Variants in TLK1 observed in about 807,000 individuals in gnomAD.
TLK1 encodes the protein serine/threonine-protein kinase tousled-like 1.
Under a neutral mutation model 105.3 loss-of-function variants are expected in TLK1, and 24 were observed. That is an observed-to-expected ratio of 0.23 (90% CI 0.17 to 0.32). The LOEUF is 0.32. TLK1 is among the 10% of genes least tolerant of loss of function. The pLI is 1.00. For missense variants in TLK1, 558 were observed against 910.5 expected (o/e 0.61, Z 4.98); for synonymous variants, 321 against 310.4 (o/e 1.03, Z -0.36).
chr2:171,010,643 A>G (rs13006705), intron 14 of TLK1, among the ~76,000 whole-genome samples: 1 of 148,324 alleles, frequency 6.7e-6, no homozygotes, highest in African/African-American at 2.5e-5. Flanking sequence ...AAAAAAAAGA[A>G]AGGCATAAAA....
At chr2:171,006,071 A>G in intron 18 of TLK1, 76 bp downstream of exon 18, 1 of 1,400,782 alleles carries the variant, frequency 7.1e-7, no homozygotes, top group Non-Finnish European at 9.4e-7. Context: ...ATGGAAATAA[A>G]AAAAAAAACA....
chr2:171,003,360 T>A (rs1684491806), intron 18 of TLK1, among the ~76,000 whole-genome samples: 1 of 151,126 alleles, frequency 6.6e-6, no homozygotes, highest in South Asian at 2.1e-4. Flanking sequence ...TACAAATTTC[T>A]TTTTTTTAGC....
intron 4 of TLK1, chr2:171,060,003 G>C (rs752973843): frequency 3.7e-6 from 6 of 1,612,348 alleles, no homozygotes. Context: ...AAGATGAGAG[G>C]AGAGGTCTGC....
chr2:171,148,282 A>G (rs1691874732), intron 1 of TLK1, among the ~76,000 whole-genome samples: 1 of 152,170 alleles, frequency 6.6e-6, no homozygotes, highest in Non-Finnish European at 1.5e-5. Context: ...AAGGAGAAAG[A>G]GTGCTTTATG....
rs755326125 is a variant in TLK1 at position 170,996,770 on chromosome 2, AAAATT to A, written c.2017-15_2017-11del. ...GATTGTGACCAAATGGCTTAAAAAA[AAAATT>A]AAATGTTGAGATACTTTTCTCACAA... On this transcript the variant is annotated splice_polypyrimidine_tract_variant and intron_variant, in intron 19 of 20. Transcript: ENST00000431350. 1.3e-6 allele frequency: 2 copies of A among 1,586,578 alleles called. No individual in the cohort carries two copies. Among genetic ancestry groups the A allele is most frequent in the African/African-American group, 1.4e-5 (1 of 73,538 alleles).
intron 1 of TLK1, among the ~76,000 whole-genome samples, chr2:171,213,536 A>T (rs1383341670): frequency 6.6e-6 from 1 of 151,396 alleles, no homozygotes; most frequent in Non-Finnish European, 1.5e-5. Flanking sequence ...AATTTATTTT[A>T]GTTTGGGCCC....
At chr2:171,163,000 C>T (rs1692543174), upstream of TLK1, among the ~76,000 whole-genome samples, 1 of 152,202 alleles carries the variant, frequency 6.6e-6, no homozygotes, top group Non-Finnish European at 1.5e-5. Context: ...CCATGTTGGC[C>T]AGGCTGGTCT....
intron 2 of TLK1, among the ~76,000 whole-genome samples, chr2:171,104,846 A>T (rs1025207350): frequency 2.6e-5 from 4 of 152,160 alleles, no homozygotes; most frequent in Non-Finnish European, 5.9e-5. Flanking sequence ...TTTGTGTAAC[A>T]GACACAGATC....
intron 3 of TLK1, among the ~76,000 whole-genome samples, chr2:171,082,356 A>G (rs999420981): frequency 1.2e-4 from 18 of 152,184 alleles, no homozygotes; most frequent in East Asian, 3.8e-4. Context: ...GCATGATTCC[A>G]TAAGAAATTC....
chr2:171,071,138 G>C (rs1688235175), intron 3 of TLK1, among the ~76,000 whole-genome samples: 1 of 152,140 alleles, frequency 6.6e-6, no homozygotes, highest in Admixed American at 6.5e-5. Context: ...TTTTCCTACA[G>C]AGTTGTTTGA....
At chr2:171,029,417 C>T (rs146319568) in intron 11 of TLK1, among the ~76,000 whole-genome samples, 1 of 152,228 alleles carries the variant, frequency 6.6e-6, no homozygotes, top group Admixed American at 6.5e-5. Flanking sequence ...ATCACTGGAG[C>T]CCAGGAATTC....
intron 2 of TLK1, among the ~76,000 whole-genome samples, chr2:171,083,080 G>A (rs1035520494): frequency 1.3e-5 from 2 of 152,056 alleles, no homozygotes; most frequent in Non-Finnish European, 2.9e-5. Flanking sequence ...CTGTGTTTTA[G>A]GAACTGACTT....
At chr2:171,221,002 T>A (rs10200603) in intron 1 of TLK1, among the ~76,000 whole-genome samples, 151,632 of 152,270 alleles carry the variant, frequency 1, 75,506 homozygotes, top group Middle Eastern at 1. Flanking sequence ...GTTGGGCAAG[T>A]TGGTGAGTCC....
intron 12 of TLK1, among the ~76,000 whole-genome samples, chr2:171,027,710 A>AT (rs1375924461): frequency 2.0e-5 from 3 of 152,336 alleles, no homozygotes; most frequent in South Asian, 4.1e-4. Flanking sequence ...AAAATGAAGT[A>AT]TTTTTTACCA....
At chr2:171,098,639 A>G (rs554210167) in intron 2 of TLK1, among the ~76,000 whole-genome samples, 1 of 152,312 alleles carries the variant, frequency 6.6e-6, no homozygotes, top group Non-Finnish European at 1.5e-5. Flanking sequence ...AAACAATATT[A>G]CCTGATAGTG....
chr2:171,138,944 C>T (rs1691456852), intron 1 of TLK1, among the ~76,000 whole-genome samples: 1 of 152,062 alleles, frequency 6.6e-6, no homozygotes, highest in Admixed American at 6.6e-5. Context: ...AACTACAATA[C>T]ATAAGATGAA....
At chr2:171,097,478 A>G (rs1388138371) in intron 2 of TLK1, among the ~76,000 whole-genome samples, 1 of 152,262 alleles carries the variant, frequency 6.6e-6, no homozygotes. Flanking sequence ...AAATGATATT[A>G]CATCAAACTA....
intron 1 of TLK1, among the ~76,000 whole-genome samples, chr2:171,220,664 G>C (rs1693791500): frequency 6.6e-6 from 1 of 151,868 alleles, no homozygotes; most frequent in Non-Finnish European, 1.5e-5. Flanking sequence ...ACTTAGAACT[G>C]CTCAACTAGC....
At chr2:171,108,195 A>G (rs970433891) in intron 2 of TLK1, among the ~76,000 whole-genome samples, 3 of 152,208 alleles carry the variant, frequency 2.0e-5, no homozygotes, top group Non-Finnish European at 1.5e-5. Context: ...TAGATGAAGA[A>G]TATGATGGCA....
Sources: allele counts gnomAD v4.1 joint callset (sites outside exome capture counted in the v4.1 genomes callset), GRCh38; gene constraint gnomAD v4.1.1; transcripts MANE v1.5; gene names NCBI Gene and HGNC (gene_info 2026-07-23, HGNC 2026-07-21).